Variants in RORA observed in about 807,000 individuals in gnomAD.
The protein encoded by RORA is nuclear receptor ROR-alpha.
A neutral mutation model predicts 69.5 loss-of-function variants in RORA; 7 were observed. The ratio of observed to expected loss-of-function variants is 0.10; its 90% CI spans 0.06 to 0.19. The LOEUF is 0.19. Ranked by LOEUF, RORA falls within the 10% of genes least tolerant of loss-of-function variation. The pLI, the probability that RORA is intolerant of heterozygous loss-of-function variation, is 1.00. For synonymous variants in RORA, 261 were observed against 240.8 expected, an observed-to-expected ratio of 1.08 and a Z score of -0.78; for missense variants, 457 against 663.0, an observed-to-expected ratio of 0.69 and a Z score of 3.41.
In RORA at chr15:61,024,929, A is replaced by C. The variant is rs372567662; in HGVS notation, c.166+204124T>G. ...GACCCCTTTCCGCACTTGATGTTAG[A>C]CAACAGACCTATAAGCAATTTTATA... On this transcript the variant is annotated intron_variant, in intron 1 of 10. Transcript: ENST00000335670. Among the ~76,000 whole-genome samples the C allele has an allele frequency of 2.9e-4, 44 of 152,282 alleles. 2 individuals carry two copies. In the South Asian group the frequency reaches 6.6e-3, roughly 23 times the overall value.
At chr15:60,773,659 G>A (rs1304951337) in intron 1 of RORA, among the ~76,000 whole-genome samples, 1 of 152,190 alleles carries the variant, frequency 6.6e-6, no homozygotes, top group East Asian at 1.9e-4. Flanking sequence ...ACCTAGAAAA[G>A]AGAAATAACT....
intron 1 of RORA, among the ~76,000 whole-genome samples, chr15:61,183,260 G>C (rs1383547119): frequency 6.6e-6 from 1 of 152,192 alleles, no homozygotes; most frequent in African/African-American, 2.4e-5. Flanking sequence ...ATGTGGCCAG[G>C]CATGGTGGCT....
intron 1 of RORA, among the ~76,000 whole-genome samples, chr15:61,095,750 G>A (rs908622718): frequency 6.6e-6 from 1 of 152,210 alleles, no homozygotes; most frequent in Admixed American, 6.5e-5. Flanking sequence ...GAGTGCTGGG[G>A]ACTGGAGGAC....
rs568996537 is a variant in RORA, at chr15:60,860,655, C to T, written c.167-181969G>A. Reference sequence around the variant, plus strand: ...AAACAAAAATCCTGAGCCTTATTCGCTAAATTCCCTTAATTGTGACACACT... The same window carrying T: ...AAACAAAAATCCTGAGCCTTATTCGTTAAATTCCCTTAATTGTGACACACT... On this transcript the variant is annotated intron_variant, in intron 1 of 10. Transcript: ENST00000335670. 2.2e-4 allele frequency among the ~76,000 whole-genome samples: 33 copies of T among 152,304 alleles called. 1 individual carries two copies. Among genetic ancestry groups the T allele is most frequent in the South Asian group, 1.2e-3 (6 of 4,818 alleles).
Position 60,834,724 on chromosome 15 carries a change from A to G in RORA, c.167-156038T>C, listed in dbSNP as rs1183640406. ...ATGGACCTACTTCCATCCCCCGATG[A>G]GGGGCTGCGCATTTGTTGAGGGGAA... On this transcript the variant is annotated intron_variant, in intron 1 of 10. Transcript: ENST00000335670. Among the ~76,000 whole-genome samples, 3 of 152,190 alleles carry G rather than the reference A, an allele frequency of 2.0e-5. No homozygotes were observed. The East Asian group carries it at 5.8e-4, about 29-fold the overall frequency.
chr15:61,195,267 T>C (rs1036513488), intron 1 of RORA, among the ~76,000 whole-genome samples: 3 of 152,106 alleles, frequency 2.0e-5, no homozygotes, highest in African/African-American at 4.8e-5. Context: ...GTGAAAGTTA[T>C]GCATTAAACA....
At chr15:60,769,231 G>C (rs2072035803) in intron 1 of RORA, among the ~76,000 whole-genome samples, 1 of 152,302 alleles carries the variant, frequency 6.6e-6, no homozygotes, top group Middle Eastern at 3.4e-3. Context: ...AATTGAGTTA[G>C]AATGAAAGTA....
chr15:61,172,401 TG>T (rs1307960416), intron 1 of RORA, among the ~76,000 whole-genome samples: 1 of 152,126 alleles, frequency 6.6e-6, no homozygotes, highest in East Asian at 1.9e-4. Context: ...ATTTAAAGGA[TG>T]AGGCCATCTA....
intron 1 of RORA, among the ~76,000 whole-genome samples, chr15:60,811,412 C>T (rs923428927): frequency 6.6e-6 from 1 of 152,192 alleles, no homozygotes; most frequent in African/African-American, 2.4e-5. Context: ...ATCTGCTTTC[C>T]AGCTCCCAAA....
At chr15:60,845,004 CAA>C (rs2073247179) in intron 1 of RORA, among the ~76,000 whole-genome samples, 1 of 151,228 alleles carries the variant, frequency 6.6e-6, no homozygotes, top group Admixed American at 6.6e-5. Context: ...ACCCTTGTTT[CAA>C]AGTGAAGACT....
intron 2 of RORA, among the ~76,000 whole-genome samples, chr15:60,579,014 G>C (rs2068111332): frequency 6.6e-6 from 1 of 150,466 alleles, no homozygotes; most frequent in Non-Finnish European, 1.5e-5. Context: ...CGATCCGCCT[G>C]CCTCGGCCTC....
rs10687177 is a variant in RORA, at chr15:60,997,039, TTG to T, written c.166+232012_166+232013del. On this transcript the variant is annotated intron_variant, in intron 1 of 10. Coordinates refer to ENST00000335670, the MANE Select transcript of RORA (RefSeq NM_134261.3). Reference sequence around the variant, plus strand: ...ATGGAAGAAGAGATGATATTGGGGTTTGTGTGTGTGTGTGTGTGTGTGTGTGT... The same window carrying T: ...ATGGAAGAAGAGATGATATTGGGGTTTGTGTGTGTGTGTGTGTGTGTGTGT... Among the ~76,000 whole-genome samples, 570 of 147,910 alleles carry T rather than the reference TTG, an allele frequency of 3.9e-3. 1 individual carries two copies. The highest frequency in any genetic ancestry group is 9.5e-3 in the African/African-American group (384 of 40,220).
chr15:60,650,744 A>G (rs563911926), intron 2 of RORA: 1 of 152,314 alleles, frequency 6.6e-6, no homozygotes, highest in South Asian at 2.1e-4. Context: ...TTGAATTTCC[A>G]AGCAAATTAA....
intron 1 of RORA, among the ~76,000 whole-genome samples, chr15:61,085,850 C>T (rs1254239818): frequency 6.6e-6 from 1 of 152,238 alleles, no homozygotes; most frequent in Non-Finnish European, 1.5e-5. Flanking sequence ...ACTGGCTTAA[C>T]TTTAAGTTGC....
intron 1 of RORA, among the ~76,000 whole-genome samples, chr15:61,067,137 A>C (rs1182357356): frequency 6.7e-6 from 1 of 148,682 alleles, no homozygotes; most frequent in African/African-American, 2.5e-5. Flanking sequence ...TTTGAGACAG[A>C]GTCTCACTCT....
At chr15:60,815,323 T>C (rs1445649711) in intron 1 of RORA, among the ~76,000 whole-genome samples, 1 of 152,180 alleles carries the variant, frequency 6.6e-6, no homozygotes, top group African/African-American at 2.4e-5. Context: ...TTAATACCTA[T>C]AAATGTCTCT....
At chr15:61,227,322 A>C (rs546092934) in intron 1 of RORA, among the ~76,000 whole-genome samples, 2 of 151,904 alleles carry the variant, frequency 1.3e-5, no homozygotes, top group East Asian at 3.9e-4. Flanking sequence ...CAGGGTCTAA[A>C]TATACTCTTT....
chr15:60,770,030 C>T (rs1003631386), intron 1 of RORA, among the ~76,000 whole-genome samples: 4 of 152,180 alleles, frequency 2.6e-5, no homozygotes, highest in African/African-American at 9.6e-5. Flanking sequence ...AGCCAAGATG[C>T]TGACACAGCT....
chr15:60,693,425 A>G (rs965158806), intron 1 of RORA, among the ~76,000 whole-genome samples: 3 of 152,190 alleles, frequency 2.0e-5, no homozygotes, highest in African/African-American at 7.2e-5. Flanking sequence ...CTCCTATTCA[A>G]CATAGTATTG....
Sources: allele counts gnomAD v4.1 joint callset (sites outside exome capture counted in the v4.1 genomes callset), GRCh38; gene constraint gnomAD v4.1.1; transcripts MANE v1.5; gene names NCBI Gene and HGNC (gene_info 2026-07-23, HGNC 2026-07-21).